The following ELOA variants were observed in gnomAD, a reference collection of about 807,000 sequenced individuals.
ELOA encodes the protein elongin-A.
Under a neutral mutation model 85.2 loss-of-function variants are expected in ELOA, and 15 were observed. The observed-to-expected ratio is 0.18, with a 90% CI of 0.12 to 0.27. ELOA has a LOEUF of 0.27. ELOA is among the 10% of genes least tolerant of loss of function. The probability of loss-of-function intolerance (pLI) is 1.00; values close to 1 mark genes in which losing one functional copy is unlikely to be tolerated. For synonymous variants in ELOA, 348 were observed against 357.2 expected, an observed-to-expected ratio of 0.97 and a Z score of 0.29; for missense variants, 769 against 952.7, an observed-to-expected ratio of 0.81 and a Z score of 2.54.
In ELOA at chr1:23,755,724, G is replaced by C. The variant is rs150964914; in HGVS notation, c.1792-119G>C. The stretch of plus-strand genomic sequence containing the variant: ...GAACCCAGGAGGCAAGGGTTGCAGT[G>C]AACCAAAATTGCACCACTGCACTGC... On this transcript the variant is annotated intron_variant, in intron 7 of 10. Transcript: ENST00000613537. 86 of 1,001,502 alleles carry C rather than the reference G, an allele frequency of 8.6e-5. No homozygotes were observed. In the African/African-American group the frequency reaches 1.4e-3, roughly 16 times the overall value. The allele number at this position is 1,001,502 out of a possible 1,614,324, so 62.0% of individuals were successfully genotyped here.
intron 7 of ELOA, 129 bp downstream of exon 7, chr1:23,754,589 G>A (rs1419809548): frequency 2.7e-6 from 2 of 749,766 alleles, no homozygotes; most frequent in East Asian, 2.7e-5. Context: ...GGATATATTT[G>A]GTTTGCCACT....
Position 23,751,426 on chromosome 1 carries a change from C to T in ELOA, c.821C>T (p.Ala274Val). Residue 274 changes from alanine (A) to valine (V), a missense_variant, in exon 4 of 11, where the codon GCC (alanine) becomes GTC (valine). By Grantham distance (64) the Ala-to-Val change is moderately conservative. Around this residue, in one of 4 missense-constraint regions of ELOA, gnomAD observed 440 missense variants for 474.0 expected, o/e 0.93. Transcript: ENST00000613537. ...GTGAGCAGAGAGAAATCACACAAGG[C>T]CCTCTCCAAAGAGGAGAACCGAAGG... Reference protein sequence around the residue: ...SVVSREKSHKALSKEENRRPP... With the variant: ...SVVSREKSHKVLSKEENRRPP... 6.2e-7 allele frequency: 1 copy of T among 1,614,082 alleles called. No individual in the cohort carries two copies. The highest frequency in any genetic ancestry group is 2.2e-5 in the East Asian group (1 of 44,876).
chr1:23,752,451 G>A lies in ELOA; in HGVS notation c.1470G>A (p.Ala490=), dbSNP rs1446088132. Residue 490 remains alanine (A), a synonymous_variant, in exon 5 of 11, where the codon GCG becomes GCA. Transcript: ENST00000613537. ...TGTTGCCAGACCTCCCGTTACCCGC[G>A]ATACAGGCCAATTACCGTCCACTGC... The part of the protein sequence containing the change: ...LPVLPDLPLP[A]IQANYRPLPS... 5.6e-6 allele frequency: 9 copies of A among 1,613,998 alleles called. 1 individual carries two copies. The highest frequency in any genetic ancestry group is 3.3e-5 in the South Asian group (3 of 91,080).
chr1:23,747,070 C>T (rs1375100172), intron 1 of ELOA, among the ~76,000 whole-genome samples: 2 of 152,136 alleles, frequency 1.3e-5, no homozygotes, highest in Non-Finnish European at 2.9e-5. Context: ...CCAGTTAGTG[C>T]TAGGCTTTGA....
chr1:23,748,784 G>A (rs1644757321), intron 1 of ELOA, among the ~76,000 whole-genome samples: 1 of 152,152 alleles, frequency 6.6e-6, no homozygotes, highest in Non-Finnish European at 1.5e-5. Flanking sequence ...GTGGTTGAAA[G>A]CAGGGAATCT....
Position 23,752,425 on chromosome 1 carries a change from G to T in ELOA, c.1444G>T (p.Val482Leu). The T allele has an allele frequency of 6.2e-7, 1 of 1,614,084 alleles. No individual in the cohort carries two copies. Among genetic ancestry groups the T allele is most frequent in the Non-Finnish European group, 8.5e-7 (1 of 1,179,984 alleles). ...CCTGCAGGTGCCTGATGTGTTGCCAGTGTTGCCAGACCTCCCGTTACCCGC... is the reference window on the plus strand; with the variant it reads ...CCTGCAGGTGCCTGATGTGTTGCCATTGTTGCCAGACCTCCCGTTACCCGC... The part of the protein sequence containing the change: ...KLRKVPDVLP[V>L]LPDLPLPAIQ... Residue 482 changes from valine to leucine, a missense_variant, in exon 5 of 11, where the codon GTG becomes TTG. Transcript: ENST00000613537.
At chr1:23,755,779 C>CA (rs371132818) in intron 7 of ELOA, 64 bp from the exon 8 acceptor site, 114,588 of 1,070,362 alleles carry the variant, frequency 0.11, 494 homozygotes, top group African/African-American at 0.19. Flanking sequence ...GACTCTGTCT[C>CA]AAAAAAAAAA....
Position 23,759,861 on chromosome 1 carries a change from CGTA to C in ELOA, c.*291_*293del, listed in dbSNP as rs1274021872. 2 of 364,676 alleles carry C rather than the reference CGTA, an allele frequency of 5.5e-6. No homozygotes were observed. Among genetic ancestry groups the C allele is most frequent in the Non-Finnish European group, 1.0e-5 (2 of 199,686 alleles). 22.6% of individuals were successfully genotyped at this position (364,676 alleles called of 1,614,324 possible). On this transcript the variant is annotated 3_prime_UTR_variant, in exon 11 of 11. Transcript: ENST00000613537. ...ATTAGCATCTTTGTAAACTATAAGA[CGTA>C]GTTTTAATTAATAAATATTGCCCCC...
chr1:23,746,293 AAAAAAAAAC>A (rs1644746392), intron 1 of ELOA, among the ~76,000 whole-genome samples: 2 of 149,340 alleles, frequency 1.3e-5, no homozygotes, highest in Non-Finnish European at 3.0e-5. Context: ...CGTCTCAAAA[AAAAAAAAAC>A]AAAAAAAACA....
chr1:23,756,356 G>T lies in ELOA; in HGVS notation c.2055G>T (p.Thr685=), dbSNP rs376300877. The T allele has an allele frequency of 3.0e-5, 47 of 1,579,760 alleles. No homozygotes were observed. Among genetic ancestry groups the T allele is most frequent in the Non-Finnish European group, 3.8e-5 (44 of 1,162,438 alleles). The part of the protein sequence containing the change: ...DVRRRQEKFG[T]GGAAVPEKIK... ...GGAGGAGGCAGGAAAAGTTTGGAAC[G>T]GGAGGAGCAGCTGTCCCTGAGAAAA... The change falls in exon 9 of 11, where the codon ACG becomes ACT. Residue 685 remains threonine, a synonymous_variant. Coordinates refer to ENST00000613537, the MANE Select transcript of ELOA (RefSeq NM_003198.3).
chr1:23,751,699 G>T lies in ELOA; in HGVS notation c.1094G>T (p.Gly365Val). ...CTGTTGCCCAAGGTAAAAGAGAAGG[G>T]TTCTAACAACCTAAAGACTCCAGAA... Reference protein sequence around the residue: ...GDLLPKVKEKGSNNLKTPEGK... With the variant: ...GDLLPKVKEKVSNNLKTPEGK... Residue 365 changes from glycine (G) to valine (V), a missense_variant, in exon 4 of 11, where the codon GGT becomes GTT. By Grantham distance (109) the Gly-to-Val change is moderately radical. Coordinates refer to ENST00000613537, the MANE Select transcript of ELOA (RefSeq NM_003198.3). 1.9e-6 allele frequency: 3 copies of T among 1,614,098 alleles called. No homozygotes were observed. Among genetic ancestry groups the T allele is most frequent in the Non-Finnish European group, 2.5e-6 (3 of 1,180,020 alleles).
At chr1:23,757,305 T>C (rs1252004907) in intron 10 of ELOA, among the ~76,000 whole-genome samples, 180 bp downstream of exon 10, 2 of 152,196 alleles carry the variant, frequency 1.3e-5, no homozygotes, top group African/African-American at 4.8e-5. Flanking sequence ...GCATTATATC[T>C]CTTAAATAGT....
chr1:23,757,138 G>C lies in ELOA; in HGVS notation c.2257+13G>C. 6.6e-7 allele frequency: 1 copy of C among 1,525,518 alleles called. No individual in the cohort carries two copies. Among genetic ancestry groups the C allele is most frequent in the Non-Finnish European group, 8.8e-7 (1 of 1,138,996 alleles). The allele number at this position is 1,525,518 out of a possible 1,614,324, so 94.5% of individuals were successfully genotyped here. On this transcript the variant is annotated intron_variant, in intron 10 of 10. Transcript: ENST00000613537. ...CCCACTGTGAAGAGTAAGTAACTTG[G>C]AGTTCCTGCTCAAATATTATTTCAG...
chr1:23,757,466 T>C (rs28524113), intron 10 of ELOA, among the ~76,000 whole-genome samples: 1 of 152,128 alleles, frequency 6.6e-6, no homozygotes, highest in Admixed American at 6.6e-5. Flanking sequence ...GGCATAGTGG[T>C]ACACACCTGT....
In ELOA at chr1:23,762,047, AAAAC is replaced by A. The variant is rs1333108498; in HGVS notation, c.*2479_*2482del. On this transcript the variant is annotated 3_prime_UTR_variant, in exon 11 of 11. Coordinates refer to ENST00000613537, the MANE Select transcript of ELOA (RefSeq NM_003198.3). The stretch of plus-strand genomic sequence containing the variant: ...AAAGGAAAATTCCATGTCTAAATAA[AAAAC>A]AAACTCCATATACTGTGTCTTCCTT... The A allele has an allele frequency of 1.3e-5, 2 of 152,208 alleles. No individual in the cohort carries two copies. The highest frequency in any genetic ancestry group is 2.9e-5 in the Non-Finnish European group (2 of 68,034). 9.4% of individuals were successfully genotyped at this position (152,208 alleles called of 1,614,324 possible).
chr1:23,756,529 C>T, intron 9 of ELOA, 144 bp downstream of exon 9: 2 of 664,288 alleles, frequency 3.0e-6, no homozygotes, highest in Non-Finnish European at 5.1e-6. Flanking sequence ...TCAGCACTTC[C>T]CTCACCTCCC....
At chr1:23,757,645 C>G (rs1644800784) in intron 10 of ELOA, among the ~76,000 whole-genome samples, 1 of 151,978 alleles carries the variant, frequency 6.6e-6, no homozygotes. Context: ...ACTACAGGTG[C>G]CCACCACCAT....
At chr1:23,754,312 A>T in intron 6 of ELOA, 51 bp from the exon 7 acceptor site, 2 of 1,614,052 alleles carry the variant, frequency 1.2e-6, no homozygotes, top group South Asian at 2.2e-5. Context: ...GGACCTTATC[A>T]CTGGGTGGCT....
intron 8 of ELOA, 114 bp downstream of exon 8, chr1:23,756,137 G>A: frequency 6.9e-7 from 1 of 1,459,678 alleles, no homozygotes. Context: ...TCAGGTAGCA[G>A]GGTGGGTATT....
Sources: allele counts gnomAD v4.1 joint callset (sites outside exome capture counted in the v4.1 genomes callset), GRCh38; gene constraint gnomAD v4.1.1; regional missense constraint gnomAD v4.1.1; transcripts MANE v1.5; gene names NCBI Gene and HGNC (gene_info 2026-07-23, HGNC 2026-07-21).